SPAG16: variants seen among roughly 807,000 people sequenced by gnomAD.
The protein encoded by SPAG16 is sperm-associated antigen 16 protein.
In SPAG16, 86 loss-of-function variants were observed where a neutral mutation model predicts 80.4. The ratio of observed to expected loss-of-function variants is 1.07; its 90% CI spans 0.90 to 1.28. The LOEUF is 1.28. SPAG16 is among the 50% of genes most tolerant of loss of function. SPAG16 has a pLI of 0.00. For missense variants in SPAG16, 870 were observed against 765.3 expected (o/e 1.14, Z -1.61); for synonymous variants, 294 against 265.9 (o/e 1.11, Z -1.03).
chr2:214,307,519 TG>T (rs1254528698), intron 15 of SPAG16, among the ~76,000 whole-genome samples: 3 of 152,240 alleles, frequency 2.0e-5, no homozygotes, highest in African/African-American at 2.4e-5. Flanking sequence ...AACTTTTTGA[TG>T]TGGGTATTTA....
chr2:213,985,430 G>T (rs1007888170), intron 12 of SPAG16, among the ~76,000 whole-genome samples: 3 of 152,080 alleles, frequency 2.0e-5, no homozygotes, highest in Admixed American at 1.3e-4. Flanking sequence ...AAAATAGTTT[G>T]TAAAACCATT....
At chr2:213,728,561 A>G (rs2066877233) in intron 10 of SPAG16, among the ~76,000 whole-genome samples, 1 of 152,112 alleles carries the variant, frequency 6.6e-6, no homozygotes, top group Non-Finnish European at 1.5e-5. Context: ...CTACTTAGGA[A>G]GATGTTGCTT....
intron 9 of SPAG16, among the ~76,000 whole-genome samples, chr2:213,380,271 G>A (rs979140535): frequency 2.0e-5 from 3 of 152,156 alleles, no homozygotes; most frequent in African/African-American, 7.2e-5. Context: ...TCCTAGAAAG[G>A]GGCTGTGGTG....
chr2:213,930,856 A>G (rs2078717357), intron 12 of SPAG16, among the ~76,000 whole-genome samples: 1 of 152,304 alleles, frequency 6.6e-6, no homozygotes, highest in Middle Eastern at 3.4e-3. Flanking sequence ...AAGGGGTTAT[A>G]TATCATCCAT....
rs149996775 is a variant in SPAG16, at chr2:213,316,711, C to T, written c.399-508C>T. ...GCATTTACTTTTCCATCTGCCCCAG[C>T]TGCTTCTCTCCCAGCTATCCACATA... On this transcript the variant is annotated intron_variant, in intron 4 of 15. Coordinates refer to ENST00000331683, the MANE Select transcript of SPAG16 (RefSeq NM_024532.5). Among the ~76,000 whole-genome samples the T allele has an allele frequency of 2.4e-4, 36 of 152,180 alleles. No homozygotes were observed. The East Asian group carries it at 6.8e-3, about 29-fold the overall frequency.
At chr2:213,326,231 A>T (rs1203140579) in intron 5 of SPAG16, among the ~76,000 whole-genome samples, 4 of 152,086 alleles carry the variant, frequency 2.6e-5, no homozygotes, top group African/African-American at 4.8e-5. Context: ...GAGTATAGGC[A>T]TAAAGAAAAC....
intron 10 of SPAG16, among the ~76,000 whole-genome samples, chr2:213,665,373 CACACACACACAT>C (rs138019290): frequency 0.011 from 1,627 of 151,918 alleles, 31 homozygotes; most frequent in African/African-American, 0.036. Context: ...GCTGGATAAA[CACACACACACAT>C]ACACACACAA....
At chr2:214,062,020 C>CACAT (rs1553706944) in intron 13 of SPAG16, among the ~76,000 whole-genome samples, 3,906 of 146,604 alleles carry the variant, frequency 0.027, 157 homozygotes, top group African/African-American at 0.061. Context: ...CACACACACA[C>CACAT]GCAGTGTGTA....
At chr2:214,138,592 A>G (rs1576323808) in intron 14 of SPAG16, among the ~76,000 whole-genome samples, 1 of 152,164 alleles carries the variant, frequency 6.6e-6, no homozygotes, top group East Asian at 1.9e-4. Context: ...CAGACTGAGC[A>G]GTTGGCAACT....
chr2:213,762,997 A>G (rs771141321), intron 10 of SPAG16, among the ~76,000 whole-genome samples: 6 of 152,246 alleles, frequency 3.9e-5, no homozygotes, highest in Non-Finnish European at 7.3e-5. Context: ...ACATTTCTCC[A>G]AAGACATAAA....
intron 15 of SPAG16, among the ~76,000 whole-genome samples, chr2:214,342,201 CCTAAAGCAGGGGTTA>C (rs1468833823): frequency 3.9e-5 from 6 of 152,078 alleles, no homozygotes; most frequent in South Asian, 4.1e-4. Flanking sequence ...CTGTAAATGT[CCTAAAGCAGGGGTTA>C]CTAAAGCAGG....
chr2:213,938,602 C>T (rs1216245166), intron 12 of SPAG16, among the ~76,000 whole-genome samples: 1 of 151,834 alleles, frequency 6.6e-6, no homozygotes, highest in Admixed American at 6.6e-5. Context: ...AGACAACAAC[C>T]ACTATTATTA....
rs928334555 is a variant in SPAG16 at position 214,101,061 on chromosome 2, CTTATT to C, written c.1528-7130_1528-7126del. 3.9e-4 allele frequency among the ~76,000 whole-genome samples: 59 copies of C among 151,960 alleles called. No homozygotes were observed. The East Asian group carries it at 4.3e-3, about 11-fold the overall frequency. On this transcript the variant is annotated intron_variant, in intron 13 of 15. Transcript: ENST00000331683. Reference sequence around the variant, plus strand: ...ATTTTAGTGATAATATGCTTGGCTACTTATTTTATGATTTAATTTTGGCCTAATTT... The same window carrying C: ...ATTTTAGTGATAATATGCTTGGCTACTTATGATTTAATTTTGGCCTAATTT...
intron 10 of SPAG16, among the ~76,000 whole-genome samples, chr2:213,510,008 A>G (rs1165487689): frequency 6.6e-6 from 1 of 152,038 alleles, no homozygotes; most frequent in Non-Finnish European, 1.5e-5. Flanking sequence ...CTACAGAAAT[A>G]CAAACTACCA....
At chr2:213,564,508 A>G (rs1405833606) in intron 10 of SPAG16, among the ~76,000 whole-genome samples, 1 of 152,032 alleles carries the variant, frequency 6.6e-6, no homozygotes, top group Non-Finnish European at 1.5e-5. Flanking sequence ...AAAAAAAAAA[A>G]AAAAGAGTAT....
At chr2:214,243,253 G>T (rs1386256844) in intron 15 of SPAG16, among the ~76,000 whole-genome samples, 2 of 152,058 alleles carry the variant, frequency 1.3e-5, no homozygotes, top group African/African-American at 2.4e-5. Context: ...AGGAAGAAAA[G>T]CCTGGTATTA....
chr2:213,960,874 A>C (rs1395575410), intron 12 of SPAG16, among the ~76,000 whole-genome samples: 1 of 152,212 alleles, frequency 6.6e-6, no homozygotes, highest in Non-Finnish European at 1.5e-5. Flanking sequence ...AACAATAGTC[A>C]GCCACTTCTT....
chr2:213,825,814 TA>T (rs2073257597), intron 10 of SPAG16, among the ~76,000 whole-genome samples: 1 of 151,466 alleles, frequency 6.6e-6, no homozygotes, highest in Non-Finnish European at 1.5e-5. Flanking sequence ...TTTCTTGGGA[TA>T]GTTTTAGAGG....
intron 15 of SPAG16, among the ~76,000 whole-genome samples, chr2:214,155,523 A>T (rs1394088466): frequency 3.3e-5 from 5 of 151,826 alleles, no homozygotes; most frequent in Non-Finnish European, 7.4e-5. Context: ...TTTTTTTTAA[A>T]GACGGGGTCC....
Sources: allele counts gnomAD v4.1 joint callset (sites outside exome capture counted in the v4.1 genomes callset), GRCh38; gene constraint gnomAD v4.1.1; transcripts MANE v1.5; gene names NCBI Gene and HGNC (gene_info 2026-07-23, HGNC 2026-07-21).